Variants in MLIP observed in about 807,000 individuals in gnomAD.
The protein encoded by MLIP is muscular LMNA interacting protein, also known as muscular LMNA-interacting protein.
MLIP carries 79 observed loss-of-function variants against 84.8 expected under a neutral mutation model. The observed-to-expected ratio is 0.93, with a 90% CI of 0.78 to 1.12. The LOEUF (loss-of-function observed/expected upper bound fraction) is 1.12, where lower values mean the gene tolerates loss of function less well. Ranked by LOEUF, MLIP falls within the 50% of genes most tolerant of loss-of-function variation. The pLI, the probability that MLIP is intolerant of heterozygous loss-of-function variation, is 0.00. For synonymous variants in MLIP, 504 were observed against 463.0 expected (o/e 1.09, Z -1.14); for missense variants, 1,257 against 1,160.6 (o/e 1.08, Z -1.21).
At chr6:54,022,172 G>T (rs963508788) in intron 1 of MLIP, among the ~76,000 whole-genome samples, 1 of 152,154 alleles carries the variant, frequency 6.6e-6, no homozygotes, top group African/African-American at 2.4e-5. Flanking sequence ...TCTGGTTTGT[G>T]TTCAAGAATA....
chr6:54,265,445 T>C (rs988312833), intron 13 of MLIP, among the ~76,000 whole-genome samples: 2 of 152,130 alleles, frequency 1.3e-5, no homozygotes, highest in Non-Finnish European at 2.9e-5. Context: ...AATCAATATA[T>C]GAAGAAAAGC....
At chr6:54,045,576 A>T (rs969337255) in intron 1 of MLIP, 2 of 152,066 alleles carry the variant, frequency 1.3e-5, no homozygotes, top group African/African-American at 4.8e-5. Context: ...CTTGAATCTC[A>T]TGTTGAATTT....
intron 13 of MLIP, among the ~76,000 whole-genome samples, chr6:54,263,449 A>G (rs1783510126): frequency 6.6e-6 from 1 of 152,112 alleles, no homozygotes; most frequent in Admixed American, 6.6e-5. Context: ...AAAAAAAAAG[A>G]ACATGCAGCA....
upstream of MLIP, among the ~76,000 whole-genome samples, chr6:54,110,384 A>C (rs1769364341): frequency 6.6e-6 from 1 of 152,130 alleles, no homozygotes; most frequent in South Asian, 2.1e-4. Context: ...GGCAAGAGGC[A>C]CTTATATTCT....
chr6:54,037,578 A>G (rs1764517180), intron 1 of MLIP, among the ~76,000 whole-genome samples: 1 of 151,968 alleles, frequency 6.6e-6, no homozygotes, highest in African/African-American at 2.4e-5. Context: ...CAGTAAAGGC[A>G]TTGCTGTTGT....
intron 5 of MLIP, 56 bp downstream of exon 5, chr6:54,149,183 G>A (rs1773181926): frequency 6.8e-7 from 1 of 1,478,132 alleles, no homozygotes; most frequent in African/African-American, 1.4e-5. Flanking sequence ...TTTTTAAAAT[G>A]TTTTCTAAAA....
intron 11 of MLIP, among the ~76,000 whole-genome samples, chr6:54,221,420 A>T (rs913100444): frequency 6.6e-6 from 1 of 152,194 alleles, no homozygotes; most frequent in Non-Finnish European, 1.5e-5. Flanking sequence ...TGTAGTGAAC[A>T]GTTGAAAAGT....
At chr6:54,252,425 CAT>C (rs1488029958) in intron 12 of MLIP, among the ~76,000 whole-genome samples, 2 of 123,728 alleles carry the variant, frequency 1.6e-5, no homozygotes, top group Admixed American at 9.1e-5. Flanking sequence ...TATATTATAA[CAT>C]ATAATATATA....
At chr6:54,128,744 G>A (rs1485774314) in intron 3 of MLIP, among the ~76,000 whole-genome samples, 5 of 152,116 alleles carry the variant, frequency 3.3e-5, no homozygotes, top group African/African-American at 7.2e-5. Flanking sequence ...GTTCCTCTGG[G>A]TGAGTTACTT....
chr6:54,045,254 A>C (rs1764976199), intron 1 of MLIP, among the ~76,000 whole-genome samples: 1 of 151,910 alleles, frequency 6.6e-6, no homozygotes, highest in African/African-American at 2.4e-5. Flanking sequence ...AGGCTGAGGC[A>C]GGATAATCAC....
intron 11 of MLIP, chr6:54,215,360 A>G: frequency 6.1e-6 from 8 of 1,312,176 alleles, no homozygotes; most frequent in East Asian, 2.9e-5. Flanking sequence ...ATTTTATCCT[A>G]CAAAAATGGG....
At chr6:54,256,781 G>A (rs1270068187) in intron 12 of MLIP, among the ~76,000 whole-genome samples, 1 of 152,088 alleles carries the variant, frequency 6.6e-6, no homozygotes, top group East Asian at 1.9e-4. Flanking sequence ...AGATTACAAT[G>A]TTTATGAAGT....
At chr6:54,189,266 C>G (rs1292561951) in intron 9 of MLIP, among the ~76,000 whole-genome samples, 1 of 152,096 alleles carries the variant, frequency 6.6e-6, no homozygotes, top group Non-Finnish European at 1.5e-5. Context: ...GTTAAATGTT[C>G]TTACGACAAT....
At chr6:54,151,582 C>A (rs1293458314) in intron 5 of MLIP, among the ~76,000 whole-genome samples, 1 of 152,064 alleles carries the variant, frequency 6.6e-6, no homozygotes, top group Admixed American at 6.6e-5. Flanking sequence ...CAGAACACCA[C>A]AATTCAGGGG....
In MLIP at chr6:54,223,992, T is replaced by C. The variant is rs1780400887; in HGVS notation, c.2719-6722T>C. 2.6e-5 allele frequency among the ~76,000 whole-genome samples: 4 copies of C among 152,046 alleles called. No individual in the cohort carries two copies. The South Asian group carries it at 8.3e-4, about 32-fold the overall frequency. ...AGAAGAGTAATAAAGGTCAACCAAG[T>C]AAGCATTCAATTTGGAAAATTTAAA... On this transcript the variant is annotated intron_variant, in intron 11 of 13. Coordinates refer to ENST00000502396, the MANE Select transcript of MLIP (RefSeq NM_001281747.2).
At chr6:54,264,874 T>C (rs1783597990) in intron 13 of MLIP, among the ~76,000 whole-genome samples, 1 of 152,082 alleles carries the variant, frequency 6.6e-6, no homozygotes, top group Non-Finnish European at 1.5e-5. Context: ...CCTTTGTTAG[T>C]GCTTTTTATC....
At chr6:54,041,718 A>G (rs1764751868) in intron 1 of MLIP, among the ~76,000 whole-genome samples, 1 of 152,084 alleles carries the variant, frequency 6.6e-6, no homozygotes, top group South Asian at 2.1e-4. Flanking sequence ...CCATTTGTAT[A>G]TCATTGCTTA....
At chr6:54,168,060 T>G (rs1775377643) in intron 8 of MLIP, among the ~76,000 whole-genome samples, 1 of 151,912 alleles carries the variant, frequency 6.6e-6, no homozygotes, top group Non-Finnish European at 1.5e-5. Flanking sequence ...CACTTTCTTT[T>G]TAGTTCATTG....
chr6:54,210,003 T>A (rs1180045301), intron 11 of MLIP, among the ~76,000 whole-genome samples: 1 of 147,310 alleles, frequency 6.8e-6, no homozygotes, highest in African/African-American at 2.5e-5. Flanking sequence ...TTTAAAAAAA[T>A]TAACTATACA....
Sources: gnomAD v4.1 joint callset for allele counts (sites outside exome capture counted in the v4.1 genomes callset) on GRCh38, gnomAD v4.1.1 for gene constraint, MANE v1.5 for transcripts, NCBI Gene and HGNC (gene_info 2026-07-23, HGNC 2026-07-21) for gene names.